SEMA3A: variants seen among roughly 807,000 people sequenced by gnomAD.
SEMA3A encodes semaphorin 3A.
A neutral mutation model predicts 97.9 loss-of-function variants in SEMA3A; 29 were observed. The ratio of observed to expected loss-of-function variants is 0.30; its 90% CI spans 0.22 to 0.40. The LOEUF (loss-of-function observed/expected upper bound fraction) is 0.40. SEMA3A is among the 10% of genes least tolerant of loss of function. SEMA3A has a pLI of 1.00. For synonymous variants in SEMA3A, 321 were observed against 323.7 expected (o/e 0.99, Z 0.09); for missense variants, 763 against 951.3 (o/e 0.80, Z 2.60).
intron 1 of SEMA3A, among the ~76,000 whole-genome samples, chr7:84,425,101 T>C (rs546701640): frequency 1.8e-5 from 2 of 108,628 alleles, no homozygotes; most frequent in Non-Finnish European, 3.3e-5. Flanking sequence ...TTTATATAAA[T>C]ATAAATATAT....
chr7:84,388,933 T>G (rs1020924328), intron 1 of SEMA3A, among the ~76,000 whole-genome samples: 10 of 152,086 alleles, frequency 6.6e-5, no homozygotes, highest in African/African-American at 1.4e-4. Context: ...ATTGGAATAC[T>G]TGCTTACTGT....
chr7:84,331,942 T>C, intron 2 of SEMA3A, among the ~76,000 whole-genome samples: 1 of 152,286 alleles, frequency 6.6e-6, no homozygotes, highest in East Asian at 1.9e-4. Context: ...TGAAATGTTC[T>C]GGCACAGTGG....
At chr7:84,409,184 A>T (rs1804194077) in intron 1 of SEMA3A, among the ~76,000 whole-genome samples, 1 of 151,434 alleles carries the variant, frequency 6.6e-6, no homozygotes, top group Non-Finnish European at 1.5e-5. Context: ...AAATATCTAG[A>T]AGTATTGGAA....
chr7:84,084,186 T>C lies in SEMA3A; in HGVS notation c.454-23628A>G, dbSNP rs527389213. 2.6e-5 allele frequency among the ~76,000 whole-genome samples: 4 copies of C among 152,218 alleles called. No individual in the cohort carries two copies. The South Asian group carries it at 8.3e-4, about 32-fold the overall frequency. On this transcript the variant is annotated intron_variant, in intron 4 of 16. Coordinates refer to ENST00000265362, the MANE Select transcript of SEMA3A (RefSeq NM_006080.3). ...AGAACCATTTATAATTTTTCTACAG[T>C]TCTCTATTCCTTTCAAGTTGCTAAG...
At chr7:84,051,709 T>C (rs1042350646) in intron 5 of SEMA3A, among the ~76,000 whole-genome samples, 5 of 152,106 alleles carry the variant, frequency 3.3e-5, no homozygotes, top group Non-Finnish European at 7.4e-5. Context: ...TATTTCTTTC[T>C]CCTGCCTAAT....
chr7:84,437,447 TA>T (rs1232866654), intron 1 of SEMA3A, among the ~76,000 whole-genome samples: 2 of 151,990 alleles, frequency 1.3e-5, no homozygotes, highest in South Asian at 2.1e-4. Context: ...TAATAGCTCA[TA>T]AGATTGAATA....
chr7:84,478,948 T>G (rs1402134772), intron 1 of SEMA3A, among the ~76,000 whole-genome samples: 2 of 152,184 alleles, frequency 1.3e-5, no homozygotes, highest in African/African-American at 2.4e-5. Context: ...ATCATACTTA[T>G]AAAAGCATCC....
chr7:84,353,605 TACTTC>T (rs1404211040), intron 2 of SEMA3A, among the ~76,000 whole-genome samples: 4 of 151,730 alleles, frequency 2.6e-5, no homozygotes, highest in African/African-American at 9.7e-5. Flanking sequence ...GGGTAAAGCA[TACTTC>T]AATGTCTATG....
intron 3 of SEMA3A, among the ~76,000 whole-genome samples, chr7:84,302,916 A>G (rs1801055642): frequency 6.6e-6 from 1 of 152,204 alleles, no homozygotes; most frequent in Non-Finnish European, 1.5e-5. Flanking sequence ...CTTCTGGCTC[A>G]GAAATTCTGT....
chr7:84,303,605 G>T (rs1801080024), intron 3 of SEMA3A, among the ~76,000 whole-genome samples: 2 of 151,746 alleles, frequency 1.3e-5, no homozygotes, highest in African/African-American at 4.8e-5. Flanking sequence ...ACCTGGCACT[G>T]GTTCAATTTA....
chr7:84,364,194 C>T (rs1802789114), intron 2 of SEMA3A, among the ~76,000 whole-genome samples: 1 of 151,342 alleles, frequency 6.6e-6, no homozygotes, highest in Admixed American at 6.6e-5. Context: ...ATAAACAAAA[C>T]CTTTTAGGAA....
At chr7:84,030,374 T>C (rs1791696931) in intron 6 of SEMA3A, among the ~76,000 whole-genome samples, 1 of 152,140 alleles carries the variant, frequency 6.6e-6, no homozygotes, top group Non-Finnish European at 1.5e-5. Flanking sequence ...GTTCATCAAA[T>C]TTTTAGACAG....
chr7:84,167,497 T>TATCTGAAAAGATTAAATTGAATCTC (rs1349717227), intron 1 of SEMA3A, among the ~76,000 whole-genome samples: 12 of 152,280 alleles, frequency 7.9e-5, no homozygotes, highest in African/African-American at 2.6e-4. Flanking sequence ...ATTGAATCTC[T>TATCTGAAAAGATTAAATTGAATCTC]TAGGGATTTT....
chr7:84,088,676 A>C (rs1794463959), intron 4 of SEMA3A, among the ~76,000 whole-genome samples: 1 of 152,174 alleles, frequency 6.6e-6, no homozygotes. Context: ...ATTTGACAAT[A>C]AAATTTGACA....
chr7:84,398,458 G>A (rs370289345), intron 1 of SEMA3A, among the ~76,000 whole-genome samples: 15 of 151,930 alleles, frequency 9.9e-5, no homozygotes, highest in East Asian at 3.9e-4. Context: ...CCCTCCTTTC[G>A]CAGTTCCTGA....
intron 9 of SEMA3A, among the ~76,000 whole-genome samples, chr7:84,009,905 C>CA (rs3074687): frequency 0.41 from 37,676 of 91,624 alleles, 7,150 homozygotes; most frequent in South Asian, 0.49. Context: ...ACACTGGTTA[C>CA]AAAAAAAAAA....
chr7:84,181,947 A>C (rs1797747857), intron 1 of SEMA3A, among the ~76,000 whole-genome samples: 1 of 152,128 alleles, frequency 6.6e-6, no homozygotes, highest in African/African-American at 2.4e-5. Context: ...TTTCCAAAAG[A>C]ATTCTGTCTT....
chr7:84,055,301 G>A (rs541859626), intron 5 of SEMA3A, among the ~76,000 whole-genome samples: 1 of 152,136 alleles, frequency 6.6e-6, no homozygotes, highest in East Asian at 1.9e-4. Context: ...CCCTCCCCCC[G>A]CCTCGCTGCG....
intron 1 of SEMA3A, among the ~76,000 whole-genome samples, chr7:84,451,963 C>T (rs1488678594): frequency 6.6e-6 from 1 of 152,156 alleles, no homozygotes; most frequent in African/African-American, 2.4e-5. Flanking sequence ...GTTAAATTTG[C>T]AATCTTTCTT....
Sources: allele counts gnomAD v4.1 joint callset (sites outside exome capture counted in the v4.1 genomes callset), GRCh38; gene constraint gnomAD v4.1.1; transcripts MANE v1.5; gene names NCBI Gene and HGNC (gene_info 2026-07-23, HGNC 2026-07-21).